Variants in ADCY8 observed in about 807,000 individuals in gnomAD.
ADCY8 encodes adenylate cyclase 8.
ADCY8 carries 51 observed loss-of-function variants against 119.7 expected under a neutral mutation model. That is an observed-to-expected ratio of 0.43 (90% CI 0.34 to 0.54). The LOEUF (loss-of-function observed/expected upper bound fraction) is 0.54. Among genes scored for constraint, ADCY8 ranks in the 20% least tolerant of loss-of-function variants. ADCY8 has a pLI of 0.03. For missense variants in ADCY8, 1,383 were observed against 1,598.8 expected, an observed-to-expected ratio of 0.87 and a Z score of 2.30; for synonymous variants, 665 against 651.0, an observed-to-expected ratio of 1.02 and a Z score of -0.33.
intron 7 of ADCY8, among the ~76,000 whole-genome samples, chr8:130,891,417 C>T (rs2130484622): frequency 6.6e-6 from 1 of 152,156 alleles, no homozygotes; most frequent in South Asian, 2.1e-4. Context: ...ATTTTGTGTT[C>T]TTTTTTTGAC....
In ADCY8 at chr8:130,790,734, C is replaced by A. The variant is rs191602996; in HGVS notation, c.3061-5259G>T. ...CACTCCCTGGGGACCTCAGCTCAGGCCACTGTTGGGAAGCCTCTGAATGAG... is the reference window on the plus strand; with the variant it reads ...CACTCCCTGGGGACCTCAGCTCAGGACACTGTTGGGAAGCCTCTGAATGAG... On this transcript the variant is annotated intron_variant, in intron 15 of 17. Transcript: ENST00000286355. Among the ~76,000 whole-genome samples, 291 of 152,206 alleles carry A rather than the reference C, an allele frequency of 1.9e-3. 3 individuals are homozygous for A. Among genetic ancestry groups the A allele is most frequent in the African/African-American group, 6.5e-3 (269 of 41,522 alleles).
chr8:130,843,595 A>T (rs1817210591), intron 11 of ADCY8, among the ~76,000 whole-genome samples: 1 of 152,198 alleles, frequency 6.6e-6, no homozygotes, highest in African/African-American at 2.4e-5. Flanking sequence ...ACTGATGCCC[A>T]GTGCCTTGAA....
chr8:130,797,292 C>T (rs1166270019), intron 15 of ADCY8, among the ~76,000 whole-genome samples: 1 of 152,066 alleles, frequency 6.6e-6, no homozygotes, highest in Admixed American at 6.6e-5. Context: ...ATAGGTAGCC[C>T]AAGACAATTC....
intron 2 of ADCY8, among the ~76,000 whole-genome samples, chr8:130,963,508 T>C (rs1821670222): frequency 6.6e-6 from 1 of 152,208 alleles, no homozygotes; most frequent in Non-Finnish European, 1.5e-5. Flanking sequence ...AATTTTTTAT[T>C]GAGATCCTAC....
At chr8:130,870,397 G>A (rs1307693547) in intron 8 of ADCY8, among the ~76,000 whole-genome samples, 1 of 152,114 alleles carries the variant, frequency 6.6e-6, no homozygotes, top group Non-Finnish European at 1.5e-5. Context: ...GCATCCTGGA[G>A]CTGTAATTGA....
intron 8 of ADCY8, among the ~76,000 whole-genome samples, chr8:130,872,386 C>T (rs1302391000): frequency 6.6e-6 from 1 of 152,170 alleles, no homozygotes; most frequent in African/African-American, 2.4e-5. Context: ...AATAGAGAAT[C>T]CAGTGAGTTT....
At position 130,901,242 on chromosome 8, in the gene ADCY8, C is replaced by CTTTT. The variant is rs34424673; in HGVS notation, c.1911+2526_1911+2529dup. ...GTGATTTTTTTTCCCCATCCCTCCTCTTTTTTTTTTTTTTTTTTTTTACTA... is the reference window on the plus strand; with the variant it reads ...GTGATTTTTTTTCCCCATCCCTCCTCTTTTTTTTTTTTTTTTTTTTTTTTTACTA... On this transcript the variant is annotated intron_variant, in intron 7 of 17. Coordinates refer to ENST00000286355, the MANE Select transcript of ADCY8 (RefSeq NM_001115.3). Among the ~76,000 whole-genome samples the CTTTT allele has an allele frequency of 1.9e-3, 220 of 115,426 alleles. 3 individuals are homozygous for CTTTT. Among genetic ancestry groups the CTTTT allele is most frequent in the African/African-American group, 3.0e-3 (92 of 30,530 alleles). 75.7% of individuals were successfully genotyped at this position (115,426 alleles called of 152,430 possible). A position where few individuals can be genotyped will look rare whatever the true frequency, so the allele number is the denominator to read the frequency against.
At chr8:130,861,491 C>G (rs902159170) in intron 9 of ADCY8, among the ~76,000 whole-genome samples, 1 of 152,028 alleles carries the variant, frequency 6.6e-6, no homozygotes, top group Non-Finnish European at 1.5e-5. Flanking sequence ...CGTTAGATGG[C>G]TGATATAAAG....
chr8:130,936,163 C>T (rs765699562), intron 5 of ADCY8, among the ~76,000 whole-genome samples: 4 of 150,780 alleles, frequency 2.7e-5, no homozygotes, highest in African/African-American at 4.9e-5. Flanking sequence ...TTTGTGAGGA[C>T]GTGACACTTA....
At chr8:131,003,879 TGGA>T (rs1242445738) in intron 1 of ADCY8, among the ~76,000 whole-genome samples, 2 of 149,840 alleles carry the variant, frequency 1.3e-5, no homozygotes, top group African/African-American at 2.5e-5. Flanking sequence ...AAGGAGGAGG[TGGA>T]GGAGGAGAAG....
chr8:131,038,173 G>A (rs911431292), intron 1 of ADCY8, among the ~76,000 whole-genome samples: 3 of 152,198 alleles, frequency 2.0e-5, no homozygotes, highest in Admixed American at 1.3e-4. Flanking sequence ...AACAGTGCTG[G>A]CAATCTAAAC....
intron 8 of ADCY8, among the ~76,000 whole-genome samples, chr8:130,871,164 T>G (rs115083428): frequency 0.012 from 1,752 of 152,318 alleles, 43 homozygotes; most frequent in African/African-American, 0.04. Context: ...CTGAGATTGA[T>G]TAGTGATTCA....
intron 5 of ADCY8, among the ~76,000 whole-genome samples, chr8:130,926,309 G>GAAAAAAAAAA (rs112225613): frequency 7.0e-6 from 1 of 143,770 alleles, no homozygotes. Context: ...TTGTTTCCAG[G>GAAAAAAAAAA]AAAAAAAAAA....
intron 7 of ADCY8, among the ~76,000 whole-genome samples, chr8:130,896,064 C>T (rs1819376972): frequency 6.6e-6 from 1 of 152,186 alleles, no homozygotes; most frequent in Non-Finnish European, 1.5e-5. Flanking sequence ...GGTCTTGTTC[C>T]CTCATTCTTG....
intron 15 of ADCY8, among the ~76,000 whole-genome samples, chr8:130,798,430 C>T (rs1815656140): frequency 6.6e-6 from 1 of 152,132 alleles, no homozygotes; most frequent in Admixed American, 6.5e-5. Context: ...GATGGCATGG[C>T]CTCCAGGCAG....
chr8:130,973,886 T>C (rs538673018), intron 2 of ADCY8, among the ~76,000 whole-genome samples: 14 of 152,172 alleles, frequency 9.2e-5, no homozygotes, highest in Non-Finnish European at 1.8e-4. Flanking sequence ...CAAGGACATA[T>C]CACAAAGTGG....
At chr8:131,032,477 A>G (rs1188677528) in intron 1 of ADCY8, among the ~76,000 whole-genome samples, 1 of 152,116 alleles carries the variant, frequency 6.6e-6, no homozygotes, top group Admixed American at 6.5e-5. Context: ...AAACAAGCAA[A>G]CATAGGTTTA....
chr8:130,787,050 A>G (rs943865694), intron 15 of ADCY8, among the ~76,000 whole-genome samples: 1 of 152,154 alleles, frequency 6.6e-6, no homozygotes, highest in Admixed American at 6.5e-5. Flanking sequence ...AAGCCAGGCC[A>G]TAAGTTGAAG....
intron 2 of ADCY8, among the ~76,000 whole-genome samples, chr8:130,953,766 C>G (rs976791211): frequency 2.2e-4 from 34 of 152,144 alleles, no homozygotes; most frequent in African/African-American, 8.0e-4. Context: ...GTCCTTCTCC[C>G]TCCTCTCACC....
Sources: gnomAD v4.1 joint callset for allele counts (sites outside exome capture counted in the v4.1 genomes callset) on GRCh38, gnomAD v4.1.1 for gene constraint, MANE v1.5 for transcripts, NCBI Gene and HGNC (gene_info 2026-07-23, HGNC 2026-07-21) for gene names.